The following HPSE2 variants were observed in gnomAD, a reference collection of about 807,000 sequenced individuals.
HPSE2 encodes the protein heparanase 2 (inactive).
In HPSE2, 38 loss-of-function variants were observed where a neutral mutation model predicts 60.5. The ratio of observed to expected loss-of-function variants is 0.63; its 90% confidence interval spans 0.48 to 0.82. The LOEUF is 0.82. Among genes scored for constraint, HPSE2 ranks in the 40% least tolerant of loss-of-function variants. The pLI is 0.00. For missense variants in HPSE2, 713 were observed against 740.4 expected (o/e 0.96, Z 0.43); for synonymous variants, 295 against 293.2 (o/e 1.01, Z -0.06).
At chr10:99,097,013 T>G (rs969393044) in intron 3 of HPSE2, among the ~76,000 whole-genome samples, 3 of 152,170 alleles carry the variant, frequency 2.0e-5, no homozygotes, top group Admixed American at 1.3e-4. Context: ...CATCAGGAGT[T>G]ATATCATTTG....
chr10:99,257,723 T>C, the HPSE2 span, among the ~76,000 whole-genome samples: 2 of 152,206 alleles, frequency 1.3e-5, no homozygotes, highest in African/African-American at 2.4e-5. Flanking sequence ...TTGTGAAGTA[T>C]GTGATCTCTG....
At chr10:99,199,022 CTTTCTT>C (rs1267451968) in intron 2 of HPSE2, among the ~76,000 whole-genome samples, 3 of 152,158 alleles carry the variant, frequency 2.0e-5, no homozygotes, top group Non-Finnish European at 4.4e-5. Flanking sequence ...GACAAAACTG[CTTTCTT>C]TTTAACGCTG....
the HPSE2 span, among the ~76,000 whole-genome samples, chr10:99,309,222 G>A: frequency 6.6e-6 from 1 of 152,106 alleles, no homozygotes; most frequent in Admixed American, 6.5e-5. Flanking sequence ...TGGGTTTTTG[G>A]GGGGCAGGTG....
intron 6 of HPSE2, among the ~76,000 whole-genome samples, chr10:98,677,054 T>A (rs1947662971): frequency 6.6e-6 from 1 of 152,048 alleles, no homozygotes; most frequent in African/African-American, 2.4e-5. Context: ...CCCTATGGAG[T>A]CCTTACTTCC....
At chr10:99,105,927 C>T (rs1332731618) in intron 3 of HPSE2, among the ~76,000 whole-genome samples, 1 of 151,980 alleles carries the variant, frequency 6.6e-6, no homozygotes, top group East Asian at 1.9e-4. Flanking sequence ...AAATCATAAG[C>T]GATTATTGCA....
intron 3 of HPSE2, among the ~76,000 whole-genome samples, chr10:98,891,105 T>C (rs576481983): frequency 2.0e-5 from 3 of 152,274 alleles, no homozygotes; most frequent in South Asian, 2.1e-4. Context: ...ATAGCTTCTA[T>C]TGATCTAGGT....
chr10:98,518,536 T>C (rs1252783090), intron 9 of HPSE2, among the ~76,000 whole-genome samples: 4 of 151,948 alleles, frequency 2.6e-5, no homozygotes, highest in East Asian at 3.9e-4. Flanking sequence ...TAAAACCCCA[T>C]CTCTACTAAA....
the HPSE2 span, among the ~76,000 whole-genome samples, chr10:99,257,169 G>A: frequency 1.3e-5 from 2 of 152,132 alleles, no homozygotes; most frequent in African/African-American, 4.8e-5. Context: ...AGGACACTGT[G>A]ATGATTGCGT....
chr10:98,747,765 A>G (rs1330862781), intron 3 of HPSE2, among the ~76,000 whole-genome samples: 2 of 152,196 alleles, frequency 1.3e-5, no homozygotes, highest in African/African-American at 4.8e-5. Flanking sequence ...GTGACATAAT[A>G]TTATCTTGGG....
chr10:98,653,200 T>C (rs1057401100), intron 6 of HPSE2, among the ~76,000 whole-genome samples: 2 of 152,206 alleles, frequency 1.3e-5, no homozygotes, highest in Non-Finnish European at 2.9e-5. Context: ...TGTGTGTGCA[T>C]GGTGTACTTC....
At chr10:99,247,965 A>G in the HPSE2 span, among the ~76,000 whole-genome samples, 441 of 152,340 alleles carry the variant, frequency 2.9e-3, 3 homozygotes, top group African/African-American at 1.0e-2. Flanking sequence ...TTTCTCAGCC[A>G]TACTTACTGT....
intron 6 of HPSE2, among the ~76,000 whole-genome samples, chr10:98,685,373 C>T (rs998462511): frequency 2.0e-5 from 3 of 152,120 alleles, no homozygotes; most frequent in East Asian, 1.9e-4. Context: ...TATCAAAATG[C>T]GGGACATTGC....
At chr10:98,910,591 T>C (rs1953952202) in intron 3 of HPSE2, among the ~76,000 whole-genome samples, 1 of 152,194 alleles carries the variant, frequency 6.6e-6, no homozygotes, top group Non-Finnish European at 1.5e-5. Flanking sequence ...AAGAAGGCTT[T>C]AGAGGCAGAA....
At chr10:98,935,983 C>G (rs983482471) in intron 3 of HPSE2, among the ~76,000 whole-genome samples, 1 of 144,738 alleles carries the variant, frequency 6.9e-6, no homozygotes. Flanking sequence ...CTGGTGGACT[C>G]CTGCAGGGAT....
intron 3 of HPSE2, among the ~76,000 whole-genome samples, chr10:98,854,579 A>T (rs1286496215): frequency 6.6e-6 from 1 of 152,230 alleles, no homozygotes; most frequent in Non-Finnish European, 1.5e-5. Flanking sequence ...ACTGCTACAC[A>T]TAAACAGCTA....
chr10:98,914,376 T>C (rs529773361), intron 3 of HPSE2, among the ~76,000 whole-genome samples: 1 of 152,226 alleles, frequency 6.6e-6, no homozygotes, highest in African/African-American at 2.4e-5. Flanking sequence ...GCCTCGGGTA[T>C]GTCTTTATTA....
chr10:98,819,268 C>T (rs577792544), intron 3 of HPSE2, among the ~76,000 whole-genome samples: 2 of 152,276 alleles, frequency 1.3e-5, no homozygotes, highest in Admixed American at 1.3e-4. Flanking sequence ...CTTATCAACA[C>T]TGGGGCAATC....
At chr10:99,176,497 T>A (rs1349953244) in intron 2 of HPSE2, among the ~76,000 whole-genome samples, 2 of 151,630 alleles carry the variant, frequency 1.3e-5, no homozygotes, top group African/African-American at 4.8e-5. Context: ...AACAGCCAAA[T>A]CAATCAAGTG....
At chr10:99,072,025 G>GT (rs34940128) in intron 3 of HPSE2, among the ~76,000 whole-genome samples, 13,867 of 145,644 alleles carry the variant, frequency 0.095, 669 homozygotes, top group South Asian at 0.17. Flanking sequence ...AACTTTGTTT[G>GT]TTTTTTTTTT....
Sources: gnomAD v4.1 joint callset for allele counts (sites outside exome capture counted in the v4.1 genomes callset) on GRCh38, gnomAD v4.1.1 for gene constraint, MANE v1.5 for transcripts, NCBI Gene and HGNC (gene_info 2026-07-23, HGNC 2026-07-21) for gene names.